HDX: variants seen among roughly 807,000 people sequenced by gnomAD.
HDX encodes highly divergent homeobox.
Under a neutral mutation model 45.2 loss-of-function variants are expected in HDX, and 19 were observed. The observed-to-expected ratio is 0.42, with a 90% CI of 0.29 to 0.62. The LOEUF (loss-of-function observed/expected upper bound fraction) is 0.62, where lower values mean the gene tolerates loss of function less well. Among genes scored for constraint, HDX ranks in the 20% least tolerant of loss-of-function variants. The probability of loss-of-function intolerance (pLI) is 0.20; values close to 1 mark genes in which losing one functional copy is unlikely to be tolerated. For missense variants in HDX, 532 were observed against 493.9 expected (o/e 1.08, Z -0.73); for synonymous variants, 188 against 172.8 (o/e 1.09, Z -0.69).
chrX:84,425,768 A>T (rs1049774023), intron 5 of HDX, among the ~76,000 whole-genome samples: 3 of 110,505 alleles, frequency 2.7e-5, no homozygotes, highest in Non-Finnish European at 3.8e-5. Flanking sequence ...AATTTAATGC[A>T]TGAACATAGA....
At chrX:84,350,139 A>T (rs2037307050) in intron 6 of HDX, among the ~76,000 whole-genome samples, 1 of 111,170 alleles carries the variant, frequency 9.0e-6, no homozygotes, top group Non-Finnish European at 1.9e-5. Context: ...GTGTATGGAA[A>T]TTTTTCTGAT....
chrX:84,367,357 G>T (rs2147864607), intron 5 of HDX, among the ~76,000 whole-genome samples: 1 of 112,356 alleles, frequency 8.9e-6, no homozygotes, highest in African/African-American at 3.2e-5. Flanking sequence ...AACAGCAGAT[G>T]CTGGAGAGGA....
intron 10 of HDX, among the ~76,000 whole-genome samples, chrX:84,322,874 C>G (rs2036626044): frequency 9.0e-6 from 1 of 110,938 alleles, no homozygotes; most frequent in African/African-American, 3.3e-5. Context: ...TGTAGCATAT[C>G]TGGCAATTTT....
At chrX:84,450,969 T>A (rs1208452914) in intron 4 of HDX, among the ~76,000 whole-genome samples, 1 of 111,528 alleles carries the variant, frequency 9.0e-6, no homozygotes. Context: ...AAAGAGAAAA[T>A]TTTTTAAAAG....
chrX:84,349,026 C>T (rs1447452089), intron 6 of HDX, among the ~76,000 whole-genome samples: 3 of 111,342 alleles, frequency 2.7e-5, no homozygotes, highest in East Asian at 5.7e-4. Flanking sequence ...AGTGTCACCC[C>T]CTCCATGATT....
At chrX:84,360,324 G>A (rs2037590251) in intron 6 of HDX, among the ~76,000 whole-genome samples, 1 of 112,039 alleles carries the variant, frequency 8.9e-6, no homozygotes, top group South Asian at 3.7e-4. Context: ...CTTTTACACT[G>A]TAGGTGGGAA....
intron 6 of HDX, among the ~76,000 whole-genome samples, chrX:84,346,223 G>A (rs1432323210): frequency 9.0e-6 from 1 of 111,048 alleles, no homozygotes; most frequent in Non-Finnish European, 1.9e-5. Flanking sequence ...TGGCTAGTGA[G>A]CACCTGTAGT....
chrX:84,380,065 G>T (rs1199015616), intron 5 of HDX, among the ~76,000 whole-genome samples: 2 of 110,898 alleles, frequency 1.8e-5, no homozygotes, highest in Non-Finnish European at 3.8e-5. Flanking sequence ...AAATTCAAAA[G>T]ATCACTAGTG....
chrX:84,486,192 T>C (rs1320292287), intron 2 of HDX, among the ~76,000 whole-genome samples: 1 of 111,648 alleles, frequency 9.0e-6, no homozygotes, highest in African/African-American at 3.2e-5. Context: ...TTTAAGTGAT[T>C]GTTTTAAGGA....
At chrX:84,465,400 A>G in intron 4 of HDX, among the ~76,000 whole-genome samples, 1 of 112,380 alleles carries the variant, frequency 8.9e-6, no homozygotes, top group South Asian at 3.7e-4. Flanking sequence ...ATTGACAATA[A>G]CAAAGGCTTG....
intron 4 of HDX, among the ~76,000 whole-genome samples, chrX:84,449,434 C>T (rs964555300): frequency 6.3e-5 from 7 of 111,548 alleles, no homozygotes; most frequent in Non-Finnish European, 1.1e-4. Flanking sequence ...TATCTAGTCA[C>T]CTTTATAAAA....
At chrX:84,411,182 T>G (rs1465300944) in intron 5 of HDX, among the ~76,000 whole-genome samples, 1 of 111,867 alleles carries the variant, frequency 8.9e-6, no homozygotes. Context: ...TGACTTTGGT[T>G]ATTTCTTGAC....
At chrX:84,451,434 C>T (rs368293437) in intron 4 of HDX, among the ~76,000 whole-genome samples, 94 of 110,265 alleles carry the variant, frequency 8.5e-4, no homozygotes, top group African/African-American at 2.9e-3. Context: ...GAAATGGATA[C>T]GTTTCTGGAC....
intron 2 of HDX, among the ~76,000 whole-genome samples, chrX:84,485,289 T>A (rs1309918892): frequency 2.7e-5 from 3 of 112,005 alleles, no homozygotes; most frequent in Admixed American, 1.9e-4. Flanking sequence ...GTTTTCTATA[T>A]CCTTATTGAC....
chrX:84,328,433 A>G (rs1244704341), intron 9 of HDX, among the ~76,000 whole-genome samples: 1 of 111,552 alleles, frequency 9.0e-6, no homozygotes, highest in Non-Finnish European at 1.9e-5. Flanking sequence ...TAAAGAAAAT[A>G]AAAATAAAAC....
At chrX:84,397,384 G>A (rs140665392) in intron 5 of HDX, among the ~76,000 whole-genome samples, 4,414 of 111,654 alleles carry the variant, frequency 0.04, 91 homozygotes, top group Non-Finnish European at 0.064. Context: ...CAAGGAGGTC[G>A]GATACAGCAC....
At position 84,343,311 on chromosome X, in the gene HDX, A is replaced by T. The variant is rs80219049; in HGVS notation, c.1660+939T>A. 7.4e-3 allele frequency among the ~76,000 whole-genome samples: 820 copies of T among 110,930 alleles called. 19 individuals carry two copies. The East Asian group carries it at 0.087, about 12-fold the overall frequency. ...CTGTCACCTAGGTTGGAGTACAGTG[A>T]CACAATTACTTGAGCTCACTGCAGC... is the stretch of plus-strand genomic sequence containing the variant. On this transcript the variant is annotated intron_variant, in intron 7 of 10. Transcript: ENST00000373177.
chrX:84,462,007 G>A (rs181771354), intron 4 of HDX, among the ~76,000 whole-genome samples: 1 of 112,020 alleles, frequency 8.9e-6, no homozygotes, highest in Non-Finnish European at 1.9e-5. Flanking sequence ...TTATCCAAAA[G>A]ACAGGCAATA....
chrX:84,419,716 A>G (rs4828266), intron 5 of HDX, among the ~76,000 whole-genome samples: 12,776 of 111,641 alleles, frequency 0.11, 628 homozygotes, highest in South Asian at 0.29. Flanking sequence ...GTGATACCCA[A>G]TGCTGTGGTG....
Sources: gnomAD v4.1 joint callset for allele counts (sites outside exome capture counted in the v4.1 genomes callset) on GRCh38, gnomAD v4.1.1 for gene constraint, MANE v1.5 for transcripts, NCBI Gene and HGNC (gene_info 2026-07-23, HGNC 2026-07-21) for gene names.